The following SP140L variants were observed in gnomAD, a reference collection of about 807,000 sequenced individuals.
SP140L encodes nuclear body protein SP140-like protein.
SP140L carries 64 observed loss-of-function variants against 84.3 expected under a neutral mutation model. The ratio of observed to expected loss-of-function variants is 0.76; its 90% CI spans 0.62 to 0.94. SP140L has a LOEUF of 0.94. SP140L is among the 40% of genes least tolerant of loss of function. The pLI is 0.00. For synonymous variants in SP140L, 242 were observed against 236.9 expected, an observed-to-expected ratio of 1.02 and a Z score of -0.20; for missense variants, 628 against 692.5, an observed-to-expected ratio of 0.91 and a Z score of 1.05.
chr2:230,378,838 A>G (rs1275905706), intron 7 of SP140L, among the ~76,000 whole-genome samples: 2 of 152,230 alleles, frequency 1.3e-5, no homozygotes, highest in African/African-American at 4.8e-5. Flanking sequence ...ATGGGTTCAT[A>G]GTAATTTATT....
intron 4 of SP140L, 74 bp downstream of exon 4, chr2:230,359,206 C>A: frequency 7.6e-7 from 1 of 1,311,780 alleles, no homozygotes; most frequent in South Asian, 1.2e-5. Flanking sequence ...TGAGCTCCTA[C>A]CATGTGCGAT....
intron 11 of SP140L, 124 bp from the exon 12 acceptor site, chr2:230,391,963 C>A: frequency 7.2e-7 from 1 of 1,391,724 alleles, no homozygotes; most frequent in Non-Finnish European, 9.9e-7. Context: ...AGAGGGAAGG[C>A]CAGACCCTCC....
intron 5 of SP140L, among the ~76,000 whole-genome samples, chr2:230,365,081 T>C (rs988037061): frequency 6.6e-6 from 1 of 152,114 alleles, no homozygotes; most frequent in Non-Finnish European, 1.5e-5. Context: ...AGGGATATCA[T>C]ATATGTTTAT....
intron 10 of SP140L, 93 bp downstream of exon 10, chr2:230,388,726 ATTGT>A: frequency 9.2e-7 from 1 of 1,085,520 alleles, no homozygotes; most frequent in Admixed American, 3.0e-5. Context: ...TATTTCTTTA[ATTGT>A]TTTATGAAGC....
intron 9 of SP140L, 68 bp downstream of exon 9, chr2:230,385,372 G>A (rs1403813613): frequency 1.4e-6 from 2 of 1,456,924 alleles, no homozygotes; most frequent in Non-Finnish European, 1.9e-6. Context: ...GTTTTGAGGA[G>A]CCTAGAAGCT....
chr2:230,362,305 G>A (rs1408927420), intron 5 of SP140L, among the ~76,000 whole-genome samples: 2 of 152,184 alleles, frequency 1.3e-5, no homozygotes, highest in African/African-American at 4.8e-5. Context: ...CACTTAGGAT[G>A]TTTCAAGGGT....
chr2:230,377,825 A>T (rs1379417279), intron 7 of SP140L, among the ~76,000 whole-genome samples: 1 of 145,672 alleles, frequency 6.9e-6, no homozygotes, highest in Non-Finnish European at 1.5e-5. Flanking sequence ...GTAAAACTTT[A>T]ATTTTTTTAT....
intron 5 of SP140L, among the ~76,000 whole-genome samples, chr2:230,368,028 G>A (rs1160069647): frequency 6.6e-6 from 1 of 152,174 alleles, no homozygotes; most frequent in East Asian, 1.9e-4. Context: ...TACAGTATTA[G>A]CATATACTGT....
At chr2:230,371,834 G>T in intron 7 of SP140L, 183 bp downstream of exon 7, 1 of 608,036 alleles carries the variant, frequency 1.6e-6, no homozygotes, top group South Asian at 1.7e-5. Flanking sequence ...TATCTTACAT[G>T]GCAAACGGGA....
intron 2 of SP140L, among the ~76,000 whole-genome samples, chr2:230,343,903 GT>G (rs1352866892): frequency 1.3e-5 from 2 of 151,620 alleles, no homozygotes; most frequent in African/African-American, 4.8e-5. Flanking sequence ...TATGATTACT[GT>G]TTTTTTTGCA....
At chr2:230,377,974 GTT>G (rs1441474183) in intron 7 of SP140L, among the ~76,000 whole-genome samples, 1 of 152,070 alleles carries the variant, frequency 6.6e-6, no homozygotes, top group East Asian at 1.9e-4. Context: ...CCCATTTTGA[GTT>G]AGTTTTTGCA....
At chr2:230,340,822 C>T (rs2060018184) in intron 2 of SP140L, among the ~76,000 whole-genome samples, 1 of 141,440 alleles carries the variant, frequency 7.1e-6, no homozygotes, top group Non-Finnish European at 1.5e-5. Flanking sequence ...TATTGGCCCC[C>T]ACTCTCTTCT....
At chr2:230,356,537 C>A (rs4972950) in intron 2 of SP140L, among the ~76,000 whole-genome samples, 22,455 of 152,166 alleles carry the variant, frequency 0.15, 1,837 homozygotes, top group African/African-American at 0.21. Context: ...GTATTAACAT[C>A]TGACAGAATA....
intron 11 of SP140L, chr2:230,391,840 C>T (rs906628926): frequency 7.2e-6 from 3 of 416,268 alleles, no homozygotes; most frequent in African/African-American, 5.9e-5. Flanking sequence ...AAAGGTTGCT[C>T]TTGCTGATAA....
chr2:230,352,589 A>G (rs1210371140), intron 2 of SP140L, among the ~76,000 whole-genome samples: 1 of 152,152 alleles, frequency 6.6e-6, no homozygotes, highest in Non-Finnish European at 1.5e-5. Flanking sequence ...GGGGATTACA[A>G]TTTGCCATGA....
chr2:230,385,711 A>G (rs1467462631), intron 9 of SP140L, among the ~76,000 whole-genome samples: 1 of 152,218 alleles, frequency 6.6e-6, no homozygotes, highest in Non-Finnish European at 1.5e-5. Flanking sequence ...TTTCACAACA[A>G]TAAGAGTCTC....
chr2:230,336,716 T>A (rs950475949), intron 2 of SP140L, among the ~76,000 whole-genome samples: 1 of 152,220 alleles, frequency 6.6e-6, no homozygotes, highest in Non-Finnish European at 1.5e-5. Context: ...TGCCTTAACA[T>A]TTTTTTACTA....
chr2:230,366,776 C>T (rs2060891742), intron 5 of SP140L, among the ~76,000 whole-genome samples: 1 of 150,434 alleles, frequency 6.6e-6, no homozygotes, highest in Admixed American at 6.6e-5. Context: ...CTCTGTCACC[C>T]AGGCTAGATT....
chr2:230,400,796 G>A, intron 15 of SP140L, 159 bp from the exon 16 acceptor site: 1 of 1,525,988 alleles, frequency 6.6e-7, no homozygotes, highest in Non-Finnish European at 8.9e-7. Flanking sequence ...GCCAGTGGCT[G>A]GAGACCCCAT....
Sources: gnomAD v4.1 joint callset for allele counts (sites outside exome capture counted in the v4.1 genomes callset) on GRCh38, gnomAD v4.1.1 for gene constraint, MANE v1.5 for transcripts, NCBI Gene and HGNC (gene_info 2026-07-23, HGNC 2026-07-21) for gene names.